SYNDIG1: variants seen among roughly 807,000 people sequenced by gnomAD.
The protein encoded by SYNDIG1 is synapse differentiation-inducing gene protein 1.
Under a neutral mutation model 19.4 loss-of-function variants are expected in SYNDIG1, and 9 were observed. The observed-to-expected ratio is 0.46, with a 90% CI of 0.28 to 0.81. The LOEUF (loss-of-function observed/expected upper bound fraction) is 0.81. Ranked by LOEUF, SYNDIG1 falls within the 30% of genes least tolerant of loss-of-function variation. The pLI is 0.12. For synonymous variants in SYNDIG1, 141 were observed against 145.9 expected, an observed-to-expected ratio of 0.97 and a Z score of 0.24; for missense variants, 311 against 343.3, an observed-to-expected ratio of 0.91 and a Z score of 0.74.
intron 1 of SYNDIG1, among the ~76,000 whole-genome samples, chr20:24,527,896 T>G (rs961694210): frequency 6.6e-6 from 1 of 152,224 alleles, no homozygotes; most frequent in South Asian, 2.1e-4. Flanking sequence ...AAATGCATGC[T>G]TAAATCTGAG....
chr20:24,594,119 A>G (rs2058557174), intron 3 of SYNDIG1, among the ~76,000 whole-genome samples: 2 of 152,260 alleles, frequency 1.3e-5, no homozygotes, highest in African/African-American at 4.8e-5. Context: ...TCTTATGTCC[A>G]GGATGGTATT....
chr20:24,580,812 T>C (rs149118439), intron 2 of SYNDIG1, among the ~76,000 whole-genome samples: 1 of 152,252 alleles, frequency 6.6e-6, no homozygotes, highest in Non-Finnish European at 1.5e-5. Flanking sequence ...TGCTTCTAAA[T>C]TAAAATCTGC....
At chr20:24,648,168 G>A (rs1269754658) in intron 3 of SYNDIG1, among the ~76,000 whole-genome samples, 2 of 152,154 alleles carry the variant, frequency 1.3e-5, no homozygotes, top group East Asian at 1.9e-4. Flanking sequence ...GGGGGGTGGG[G>A]TGGTACACAT....
chr20:24,520,535 A>C (rs1235197867), intron 1 of SYNDIG1, among the ~76,000 whole-genome samples: 1 of 152,040 alleles, frequency 6.6e-6, no homozygotes, highest in Non-Finnish European at 1.5e-5. Context: ...TCTACTAAAA[A>C]TACAAAAATT....
intron 3 of SYNDIG1, among the ~76,000 whole-genome samples, chr20:24,638,761 A>T (rs966670552): frequency 6.6e-6 from 1 of 152,248 alleles, no homozygotes; most frequent in Non-Finnish European, 1.5e-5. Flanking sequence ...GATAAATGGC[A>T]TATTAAATGT....
chr20:24,558,323 T>A (rs1212127337), intron 2 of SYNDIG1, among the ~76,000 whole-genome samples: 1 of 152,238 alleles, frequency 6.6e-6, no homozygotes, highest in Non-Finnish European at 1.5e-5. Flanking sequence ...TCTAATAATA[T>A]TTTCTGTCTT....
At chr20:24,575,890 C>G (rs2058219422) in intron 2 of SYNDIG1, among the ~76,000 whole-genome samples, 1 of 152,166 alleles carries the variant, frequency 6.6e-6, no homozygotes, top group Non-Finnish European at 1.5e-5. Context: ...CAGGAAAAGC[C>G]TGAGCTGTTT....
chr20:24,551,098 T>G (rs1417101249), intron 2 of SYNDIG1, among the ~76,000 whole-genome samples: 1 of 152,242 alleles, frequency 6.6e-6, no homozygotes, highest in Admixed American at 6.5e-5. Flanking sequence ...TTCTTTTTGT[T>G]TGTTAGAACT....
intron 3 of SYNDIG1, among the ~76,000 whole-genome samples, chr20:24,612,156 T>TTGG (rs2058858305): frequency 6.6e-6 from 1 of 152,228 alleles, no homozygotes; most frequent in Admixed American, 6.5e-5. Flanking sequence ...AAAGGCTGAT[T>TTGG]CTTTCTACAA....
Position 24,665,370 on chromosome 20 carries a change from G to T in SYNDIG1, c.643G>T (p.Asp215Tyr). 3 of 1,604,348 alleles carry T rather than the reference G, an allele frequency of 1.9e-6. No homozygotes were observed. The highest frequency in any genetic ancestry group is 2.5e-6 in the Non-Finnish European group (3 of 1,177,000). Reference sequence around the variant, plus strand: ...GACCAACAAAGCCGTGGCCAAGGGGGACTTGCACCAGGCCAGCACCAGCTC... The same window carrying T: ...GACCAACAAAGCCGTGGCCAAGGGGTACTTGCACCAGGCCAGCACCAGCTC... ...HETNKAVAKG[D>Y]LHQASTSSRR... is the part of the protein sequence containing the mutation. Residue 215 changes from aspartate (D) to tyrosine (Y), a missense_variant, in exon 4 of 4, where the codon GAC becomes TAC. By Grantham distance (160) the Asp-to-Tyr change is radical. Transcript: ENST00000376862.
At chr20:24,649,080 T>C (rs2059446356) in intron 3 of SYNDIG1, among the ~76,000 whole-genome samples, 1 of 152,060 alleles carries the variant, frequency 6.6e-6, no homozygotes, top group South Asian at 2.1e-4. Flanking sequence ...GAATGCAAAG[T>C]TCTGTGAAAG....
At chr20:24,607,302 A>C (rs2058770493) in intron 3 of SYNDIG1, among the ~76,000 whole-genome samples, 1 of 151,616 alleles carries the variant, frequency 6.6e-6, no homozygotes, top group Non-Finnish European at 1.5e-5. Flanking sequence ...CGGATGTTGC[A>C]ATAAGCCAAG....
At chr20:24,600,167 A>G (rs1465783700) in intron 3 of SYNDIG1, among the ~76,000 whole-genome samples, 2 of 152,232 alleles carry the variant, frequency 1.3e-5, no homozygotes, top group African/African-American at 4.8e-5. Context: ...ATTATTATAC[A>G]TTTTTGAAAG....
chr20:24,556,501 G>A (rs938088521), intron 2 of SYNDIG1, among the ~76,000 whole-genome samples: 20 of 152,150 alleles, frequency 1.3e-4, no homozygotes, highest in Non-Finnish European at 8.8e-5. Flanking sequence ...GGCAGGCCTT[G>A]TGGTGACAAA....
chr20:24,472,274 G>C (rs2055489984), intron 1 of SYNDIG1, among the ~76,000 whole-genome samples: 4 of 152,160 alleles, frequency 2.6e-5, no homozygotes, highest in Admixed American at 2.6e-4. Context: ...TTAGCAATAG[G>C]AACAGACTCA....
At chr20:24,664,557 G>A (rs1003189400) in intron 3 of SYNDIG1, among the ~76,000 whole-genome samples, 6 of 152,140 alleles carry the variant, frequency 3.9e-5, no homozygotes, top group African/African-American at 7.2e-5. Flanking sequence ...TTTTACTCCG[G>A]TGATCCCTCC....
At chr20:24,558,598 T>C (rs1426481057) in intron 2 of SYNDIG1, among the ~76,000 whole-genome samples, 2 of 152,236 alleles carry the variant, frequency 1.3e-5, no homozygotes, top group Non-Finnish European at 2.9e-5. Context: ...GTTTAGTAGT[T>C]ATTATTGTTT....
Position 24,654,223 on chromosome 20 carries a change from T to G in SYNDIG1, c.619-11123T>G, listed in dbSNP as rs73347225. 5.5e-3 allele frequency among the ~76,000 whole-genome samples: 841 copies of G among 152,168 alleles called. 8 individuals carry two copies. The highest frequency in any genetic ancestry group is 0.019 in the African/African-American group (794 of 41,528). On this transcript the variant is annotated intron_variant, in intron 3 of 3. Transcript: ENST00000376862. ...TAATGTTAAATAACAGCCAGTGATT[T>G]CCTGACACTTGAGAGCGCCTCTACC...
At chr20:24,500,506 CT>C (rs766878718) in intron 1 of SYNDIG1, among the ~76,000 whole-genome samples, 87 of 142,706 alleles carry the variant, frequency 6.1e-4, no homozygotes, top group Admixed American at 5.4e-3. Context: ...TTCTTTCTTT[CT>C]TTCTTTCTTT....
Sources: gnomAD v4.1 joint callset for allele counts (sites outside exome capture counted in the v4.1 genomes callset) on GRCh38, gnomAD v4.1.1 for gene constraint, MANE v1.5 for transcripts, NCBI Gene and HGNC (gene_info 2026-07-23, HGNC 2026-07-21) for gene names.